The following SLC7A2 variants were observed in gnomAD, a reference collection of about 807,000 sequenced individuals.
SLC7A2 encodes solute carrier family 7 member 2.
In SLC7A2, 48 loss-of-function variants were observed where a neutral mutation model predicts 58.9. The ratio of observed to expected loss-of-function variants is 0.82; its 90% CI spans 0.65 to 1.04. The LOEUF is 1.04. Ranked by LOEUF, SLC7A2 falls within the 50% of genes least tolerant of loss-of-function variation. The probability of loss-of-function intolerance (pLI) is 0.00; values close to 1 mark genes in which losing one functional copy is unlikely to be tolerated. For synonymous variants in SLC7A2, 363 were observed against 314.5 expected (o/e 1.15, Z -1.63); for missense variants, 1,029 against 818.8 (o/e 1.26, Z -3.13).
intron 1 of SLC7A2, among the ~76,000 whole-genome samples, chr8:17,500,864 G>C (rs1424877394): frequency 6.6e-6 from 1 of 151,334 alleles, no homozygotes; most frequent in African/African-American, 2.4e-5. Context: ...CCAAGTAGGA[G>C]TTCATTTCCA....
At chr8:17,563,537 T>C (rs1278771440) in intron 11 of SLC7A2, 66 bp from the exon 12 acceptor site, 8 of 968,934 alleles carry the variant, frequency 8.3e-6, no homozygotes, top group African/African-American at 6.5e-5. Flanking sequence ...TGCCACCCTG[T>C]TGAAATAACT....
At chr8:17,540,155 A>T (rs1380093725) in intron 2 of SLC7A2, among the ~76,000 whole-genome samples, 1 of 152,124 alleles carries the variant, frequency 6.6e-6, no homozygotes, top group Non-Finnish European at 1.5e-5. Flanking sequence ...GACTCAATAA[A>T]TGTTTGTTTA....
At chr8:17,558,971 A>G (rs1181569250) in intron 9 of SLC7A2, among the ~76,000 whole-genome samples, 2 of 152,244 alleles carry the variant, frequency 1.3e-5, no homozygotes, top group Non-Finnish European at 2.9e-5. Flanking sequence ...GAAATCATAT[A>G]TGCCGATATA....
chr8:17,507,513 C>CT (rs1800419996), intron 2 of SLC7A2, among the ~76,000 whole-genome samples: 2 of 151,912 alleles, frequency 1.3e-5, no homozygotes, highest in South Asian at 2.1e-4. Context: ...TGTACCTGGC[C>CT]TTTTTAAATT....
intron 2 of SLC7A2, among the ~76,000 whole-genome samples, chr8:17,518,151 C>T (rs567185408): frequency 9.9e-5 from 15 of 151,672 alleles, no homozygotes; most frequent in African/African-American, 3.4e-4. Context: ...ATGGAATCCC[C>T]TTTCCTTTGA....
intron 2 of SLC7A2, among the ~76,000 whole-genome samples, chr8:17,512,203 A>G (rs1359240108): frequency 6.6e-6 from 1 of 152,062 alleles, no homozygotes; most frequent in Non-Finnish European, 1.5e-5. Context: ...GTAACAAAAG[A>G]TATGGCTTTT....
At chr8:17,531,506 T>C (rs1023701977) in intron 2 of SLC7A2, among the ~76,000 whole-genome samples, 6 of 152,194 alleles carry the variant, frequency 3.9e-5, no homozygotes, top group Admixed American at 6.5e-5. Flanking sequence ...TTTATTTTTA[T>C]GAATTATATT....
chr8:17,545,974 A>T (rs553948752), intron 4 of SLC7A2, among the ~76,000 whole-genome samples: 1 of 152,354 alleles, frequency 6.6e-6, no homozygotes, highest in South Asian at 2.1e-4. Flanking sequence ...AATGTTTTAC[A>T]TACGGATAGG....
At chr8:17,527,302 C>T (rs1405062622) in intron 2 of SLC7A2, among the ~76,000 whole-genome samples, 1 of 152,160 alleles carries the variant, frequency 6.6e-6, no homozygotes, top group African/African-American at 2.4e-5. Flanking sequence ...TAGCCGACTA[C>T]AAACCAAATA....
intron 4 of SLC7A2, among the ~76,000 whole-genome samples, chr8:17,547,716 T>C (rs1462782994): frequency 6.6e-6 from 1 of 152,038 alleles, no homozygotes; most frequent in Non-Finnish European, 1.5e-5. Flanking sequence ...AATTAAAGTG[T>C]AGTACCTCAA....
intron 2 of SLC7A2, among the ~76,000 whole-genome samples, chr8:17,535,448 A>G (rs528974396): frequency 2.0e-5 from 3 of 152,318 alleles, no homozygotes; most frequent in South Asian, 4.1e-4. Flanking sequence ...ATGCACAAGT[A>G]TAGCTGTCTC....
chr8:17,564,284 G>A (rs900650774), intron 12 of SLC7A2, among the ~76,000 whole-genome samples: 6 of 152,104 alleles, frequency 3.9e-5, no homozygotes, highest in African/African-American at 1.4e-4. Context: ...ATATCATTTT[G>A]TTTAAAGTAC....
At chr8:17,524,399 TAC>T (rs1407274600) in intron 2 of SLC7A2, among the ~76,000 whole-genome samples, 1 of 140,986 alleles carries the variant, frequency 7.1e-6, no homozygotes, top group African/African-American at 2.7e-5. Flanking sequence ...ATGTGAGATA[TAC>T]ATATATGTGT....
At chr8:17,522,557 G>A (rs1173008144) in intron 2 of SLC7A2, among the ~76,000 whole-genome samples, 1 of 152,130 alleles carries the variant, frequency 6.6e-6, no homozygotes, top group Non-Finnish European at 1.5e-5. Context: ...CATTTTCTCA[G>A]ACAATGTAAC....
At chr8:17,552,723 G>C (rs552048465) in intron 7 of SLC7A2, among the ~76,000 whole-genome samples, 1 of 152,284 alleles carries the variant, frequency 6.6e-6, no homozygotes, top group African/African-American at 2.4e-5. Flanking sequence ...ATTTTCAGTA[G>C]CTGCTTGTTT....
rs774935309 is a variant in SLC7A2 at position 17,544,623 on chromosome 8, T to G, written c.532+17T>G. 3 of 1,611,796 alleles carry G rather than the reference T, an allele frequency of 1.9e-6. No individual in the cohort carries two copies. The highest frequency in any genetic ancestry group is 1.7e-6 in the Non-Finnish European group (2 of 1,178,426). The stretch of plus-strand genomic sequence containing the variant: ...TTCTAGCAGGTAAGAAAACCAGTTA[T>G]GAGTCTCTGCAGAATGAGCCACACT... On this transcript the variant is annotated intron_variant, in intron 4 of 12. Transcript: ENST00000494857.
intron 8 of SLC7A2, among the ~76,000 whole-genome samples, chr8:17,557,076 C>A (rs1450124001): frequency 6.6e-6 from 1 of 152,196 alleles, no homozygotes; most frequent in Non-Finnish European, 1.5e-5. Flanking sequence ...AAACCACTCA[C>A]AATTGCTGAG....
At chr8:17,499,810 A>G (rs1029420798) in intron 1 of SLC7A2, among the ~76,000 whole-genome samples, 11 of 152,144 alleles carry the variant, frequency 7.2e-5, no homozygotes, top group African/African-American at 2.7e-4. Flanking sequence ...TCTGGATATT[A>G]AAAACCATAT....
At chr8:17,530,534 T>C (rs1456484180) in intron 2 of SLC7A2, among the ~76,000 whole-genome samples, 1 of 151,340 alleles carries the variant, frequency 6.6e-6, no homozygotes, top group African/African-American at 2.4e-5. Flanking sequence ...CTGAAGTTAG[T>C]TGGCAGAAGG....
Sources: allele counts gnomAD v4.1 joint callset (sites outside exome capture counted in the v4.1 genomes callset), GRCh38; gene constraint gnomAD v4.1.1; transcripts MANE v1.5; gene names NCBI Gene and HGNC (gene_info 2026-07-23, HGNC 2026-07-21).